Variants in RBM19 observed in about 807,000 individuals in gnomAD.
The protein encoded by RBM19 is RNA binding motif protein 19, also known as probable RNA-binding protein 19.
RBM19 carries 94 observed loss-of-function variants against 116.8 expected under a neutral mutation model. The ratio of observed to expected loss-of-function variants is 0.80; its 90% CI spans 0.68 to 0.95. The LOEUF (loss-of-function observed/expected upper bound fraction) is 0.95. Among genes scored for constraint, RBM19 ranks in the 40% least tolerant of loss-of-function variants. The pLI, the probability that RBM19 is intolerant of heterozygous loss-of-function variation, is 0.00. For missense variants in RBM19, 1,161 were observed against 1,220.7 expected (o/e 0.95, Z 0.73); for synonymous variants, 475 against 494.1 (o/e 0.96, Z 0.51).
intron 16 of RBM19, among the ~76,000 whole-genome samples, chr12:113,931,186 T>C (rs1279559395): frequency 6.6e-6 from 1 of 152,164 alleles, no homozygotes; most frequent in Non-Finnish European, 1.5e-5. Context: ...ATAGGATGTA[T>C]TGTATAGGTT....
Position 113,948,826 on chromosome 12 carries a change from C to G in RBM19, c.1276+7G>C. The G allele has an allele frequency of 1.2e-6, 2 of 1,614,096 alleles. No homozygotes were observed. Among genetic ancestry groups the G allele is most frequent in the Non-Finnish European group, 1.7e-6 (2 of 1,179,996 alleles). On this transcript the variant is annotated splice_region_variant and intron_variant, in intron 10 of 23. Transcript: ENST00000261741. ...GGCTATCCACGGCCCGGAGGCCACA[C>G]CCCTACCATATTTGGAGAAGAGCTT...
intron 18 of RBM19, 55 bp downstream of exon 18, chr12:113,924,642 G>T: frequency 6.9e-7 from 1 of 1,451,296 alleles, no homozygotes; most frequent in Non-Finnish European, 9.7e-7. Flanking sequence ...GCTTCTTTTG[G>T]AATCCACTCT....
chr12:113,929,907 T>G (rs1342392919), intron 16 of RBM19, among the ~76,000 whole-genome samples: 1 of 152,058 alleles, frequency 6.6e-6, no homozygotes, highest in East Asian at 1.9e-4. Context: ...TGGAAAAAAA[T>G]TTTATAGAGA....
chr12:113,900,145 G>A (rs1404200148), intron 21 of RBM19, among the ~76,000 whole-genome samples: 1 of 152,190 alleles, frequency 6.6e-6, no homozygotes, highest in Non-Finnish European at 1.5e-5. Context: ...GGAAGCCCGA[G>A]CCTGCGAAAT....
intron 21 of RBM19, among the ~76,000 whole-genome samples, chr12:113,889,754 G>C (rs1259679147): frequency 2.6e-5 from 4 of 152,012 alleles, no homozygotes; most frequent in African/African-American, 7.2e-5. Flanking sequence ...AGAATATAAA[G>C]CATTATTTAT....
intron 21 of RBM19, among the ~76,000 whole-genome samples, chr12:113,861,111 G>A (rs916440967): frequency 3.3e-5 from 5 of 152,226 alleles, no homozygotes; most frequent in African/African-American, 9.7e-5. Context: ...GTTAGAATGT[G>A]AATCCAGGCA....
intron 21 of RBM19, among the ~76,000 whole-genome samples, chr12:113,913,818 G>A (rs927929606): frequency 2.0e-5 from 3 of 152,216 alleles, no homozygotes; most frequent in Admixed American, 6.5e-5. Flanking sequence ...GTTCACCCAC[G>A]CGCAGGCCAT....
At chr12:113,881,070 C>T (rs915002917) in intron 21 of RBM19, among the ~76,000 whole-genome samples, 7 of 152,208 alleles carry the variant, frequency 4.6e-5, no homozygotes, top group African/African-American at 1.2e-4. Flanking sequence ...TCCTTACACA[C>T]GCAAGGCTTG....
At chr12:113,951,882 C>T (rs577425080) in intron 8 of RBM19, among the ~76,000 whole-genome samples, 3 of 152,358 alleles carry the variant, frequency 2.0e-5, no homozygotes, top group South Asian at 2.1e-4. Context: ...CAGCGGCTTC[C>T]AGCCTCCAGC....
chr12:113,854,737 G>T (rs1413459149), intron 22 of RBM19, among the ~76,000 whole-genome samples: 1 of 152,182 alleles, frequency 6.6e-6, no homozygotes, highest in African/African-American at 2.4e-5. Flanking sequence ...CACTGGAGCA[G>T]CTCAGTAACA....
chr12:113,841,625 A>G (rs1393560864), intron 23 of RBM19, among the ~76,000 whole-genome samples: 5 of 151,996 alleles, frequency 3.3e-5, no homozygotes, highest in African/African-American at 9.7e-5. Context: ...GGGTTTCACC[A>G]TGTTGGCCAG....
intron 1 of RBM19, among the ~76,000 whole-genome samples, chr12:113,965,042 C>T (rs1385391768): frequency 3.3e-5 from 5 of 151,748 alleles, no homozygotes; most frequent in Non-Finnish European, 5.9e-5. Flanking sequence ...GAGGCCGAGG[C>T]GGTGGATCAC....
intron 22 of RBM19, among the ~76,000 whole-genome samples, chr12:113,845,709 C>T (rs116711315): frequency 0.028 from 4,260 of 152,218 alleles, 197 homozygotes; most frequent in African/African-American, 0.097. Context: ...TGATCAGTAC[C>T]GTCTTAAACA....
At chr12:113,871,256 T>C (rs1163975703) in intron 21 of RBM19, among the ~76,000 whole-genome samples, 7 of 152,374 alleles carry the variant, frequency 4.6e-5, no homozygotes, top group South Asian at 2.1e-4. Context: ...CTGTCACCTA[T>C]GGGAAAGCCC....
chr12:113,908,289 C>T (rs1231451769), intron 21 of RBM19, among the ~76,000 whole-genome samples: 5 of 152,100 alleles, frequency 3.3e-5, no homozygotes, highest in African/African-American at 9.7e-5. Context: ...AGGAGTCAAT[C>T]GGGCAGTGAC....
chr12:113,852,958 C>A (rs1256239754), intron 22 of RBM19, among the ~76,000 whole-genome samples: 1 of 152,200 alleles, frequency 6.6e-6, no homozygotes, highest in African/African-American at 2.4e-5. Flanking sequence ...GTGCTGGGTG[C>A]GCTGGGCACC....
chr12:113,863,761 G>A (rs754344934), intron 21 of RBM19, among the ~76,000 whole-genome samples: 1 of 152,224 alleles, frequency 6.6e-6, no homozygotes, highest in African/African-American at 2.4e-5. Context: ...TGAACAAGAT[G>A]AAGGGGTGGT....
chr12:113,830,561 C>G (rs915173048), intron 23 of RBM19, among the ~76,000 whole-genome samples: 1 of 26,428 alleles, frequency 3.8e-5, no homozygotes, highest in African/African-American at 2.0e-4. Flanking sequence ...TTACCCTGAG[C>G]TAGGGCTGCG....
At chr12:113,877,754 CA>C (rs1346805859) in intron 21 of RBM19, among the ~76,000 whole-genome samples, 4 of 152,158 alleles carry the variant, frequency 2.6e-5, no homozygotes, top group African/African-American at 9.7e-5. Flanking sequence ...CTTCAGAATC[CA>C]AGTTGGGTTT....
Sources: gnomAD v4.1 joint callset for allele counts (sites outside exome capture counted in the v4.1 genomes callset) on GRCh38, gnomAD v4.1.1 for gene constraint, MANE v1.5 for transcripts, NCBI Gene and HGNC (gene_info 2026-07-23, HGNC 2026-07-21) for gene names.